The following CARMIL2 variants were observed in gnomAD, a reference collection of about 807,000 sequenced individuals.
CARMIL2 encodes capping protein, Arp2/3 and myosin-I linker protein 2.
CARMIL2 carries 96 observed loss-of-function variants against 173.3 expected under a neutral mutation model. That is an observed-to-expected ratio of 0.55 (90% confidence interval 0.47 to 0.66). The LOEUF is 0.66. CARMIL2 is among the 30% of genes least tolerant of loss of function. The pLI, the probability that CARMIL2 is intolerant of heterozygous loss-of-function variation, is 0.00. For missense variants in CARMIL2, 1,771 were observed against 1,906.7 expected (o/e 0.93, Z 1.33); for synonymous variants, 830 against 817.1 (o/e 1.02, Z -0.27).
At chr16:67,647,271 C>A in intron 9 of CARMIL2, 28 bp from the exon 10 acceptor site, 1 of 1,609,610 alleles carries the variant, frequency 6.2e-7, no homozygotes, top group Non-Finnish European at 8.5e-7. Flanking sequence ...AGGGTGCAGC[C>A]CGTGAGCCGC....
rs144548995 is a variant in CARMIL2, at chr16:67,652,055, G to A, written c.2676+47G>A. 1.4e-5 allele frequency: 22 copies of A among 1,607,500 alleles called. No homozygotes were observed. The African/African-American group carries it at 2.9e-4, about 21-fold the overall frequency. On this transcript the variant is annotated intron_variant, in intron 26 of 37. Transcript: ENST00000334583. This position sits in a 1 kb window ranked among gnomAD's most constrained non-coding sequence, Gnocchi z 4.7. ...ACTTTCGTGCAAACACACACATGCA[G>A]TGACTTGGCCATCTCCCTTGCAGGG...
chr16:67,652,983 TC>T lies in CARMIL2; in HGVS notation c.2885-35del. 8.7e-7 allele frequency: 1 copy of T among 1,148,578 alleles called. No individual in the cohort carries two copies. Among genetic ancestry groups the T allele is most frequent in the Non-Finnish European group, 1.1e-6 (1 of 886,916 alleles). The allele number at this position is 1,148,578 out of a possible 1,614,324, so 71.1% of individuals were successfully genotyped here. A position where few individuals can be genotyped will look rare whatever the true frequency, so the allele number is the denominator to read the frequency against. The stretch of plus-strand genomic sequence containing the variant: ...CGCCTCCGCCGCCACCTCCCCGGGC[TC>T]GGCGCTCGGTGCTCTTCTGGTGCTG... On this transcript the variant is annotated intron_variant, in intron 28 of 37. Transcript: ENST00000334583. The surrounding 1 kb of genome is among the most constrained non-coding windows in gnomAD (Gnocchi z 4.7).
intron 32 of CARMIL2, among the ~76,000 whole-genome samples, chr16:67,655,300 T>C (rs1292306860): frequency 6.6e-6 from 1 of 152,010 alleles, no homozygotes; most frequent in Non-Finnish European, 1.5e-5. Context: ...GGTGTGGCGG[T>C]GGGCACTTGT....
chr16:67,649,945 C>T lies in CARMIL2; in HGVS notation c.2059C>T (p.Leu687=). The T allele has an allele frequency of 6.2e-7, 1 of 1,613,354 alleles. No homozygotes were observed. The highest frequency in any genetic ancestry group is 8.5e-7 in the Non-Finnish European group (1 of 1,179,804). ...CCAGGCGCAGCGCAGCCGCCCGGAA[C>T]TGACAGCACGTGCAGTCCATCAGGT... ...VAQAQRSRPE[L]TARAVHQIQA... The change falls in exon 21 of 38, where the codon CTG becomes TTG. Residue 687 remains leucine (L), a synonymous_variant. Coordinates refer to ENST00000334583, the MANE Select transcript of CARMIL2 (RefSeq NM_001013838.3). This position sits in a 1 kb window ranked among gnomAD's most constrained non-coding sequence, Gnocchi z 6.7.
Position 67,652,036 on chromosome 16 carries a change from G to A in CARMIL2, c.2676+28G>A, listed in dbSNP as rs373349231. ...GAGGGGGAGATGTGCACACACTTTC[G>A]TGCAAACACACACATGCAGTGACTT... On this transcript the variant is annotated intron_variant, in intron 26 of 37. Transcript: ENST00000334583. This position sits in a 1 kb window ranked among gnomAD's most constrained non-coding sequence, Gnocchi z 4.7. 72 of 1,611,388 alleles carry A rather than the reference G, an allele frequency of 4.5e-5. No homozygotes were observed. The highest frequency in any genetic ancestry group is 3.1e-4 in the African/African-American group (23 of 75,008).
Position 67,651,718 on chromosome 16 carries a change from A to C in CARMIL2, c.2461A>C (p.Ser821Arg). The change falls in exon 25 of 38, where the codon AGC becomes CGC. Residue 821 changes from serine to arginine, a missense_variant. Around this residue, in one of 3 missense-constraint regions of CARMIL2, gnomAD observed 817 missense variants for 903.5 expected, o/e 0.90. Coordinates refer to ENST00000334583, the MANE Select transcript of CARMIL2 (RefSeq NM_001013838.3). The surrounding 1 kb of genome is among the most constrained non-coding windows in gnomAD (Gnocchi z 4.2). ...FTQATLDTAR[S>R]LCPQMLQGSS... Reference sequence around the variant, plus strand: ...TCAGGCCACACTGGACACAGCAAGGAGCCTCTGCCCACAGATGCTGCAGGG... The same window carrying C: ...TCAGGCCACACTGGACACAGCAAGGCGCCTCTGCCCACAGATGCTGCAGGG... 1.9e-6 allele frequency: 3 copies of C among 1,607,252 alleles called. No homozygotes were observed. The highest frequency in any genetic ancestry group is 2.5e-6 in the Non-Finnish European group (3 of 1,177,478).
In CARMIL2 at chr16:67,650,162, CT is replaced by C; in HGVS notation, c.2184+13del. 1 of 1,603,176 alleles carries C rather than the reference CT, an allele frequency of 6.2e-7. No homozygotes were observed. The stretch of plus-strand genomic sequence containing the variant: ...ACCCCTCAGAGCAGGTCAATGTCCC[CT>C]CCCCAACCACGAGAGGTAGGGCATG... On this transcript the variant is annotated intron_variant, in intron 22 of 37. Transcript: ENST00000334583.
rs1227180411 is a variant in CARMIL2, at chr16:67,653,092, G to C, written c.2958G>C (p.Pro986=). Residue 986 remains proline, a synonymous_variant, in exon 29 of 38, where the codon CCG becomes CCC. Coordinates refer to ENST00000334583, the MANE Select transcript of CARMIL2 (RefSeq NM_001013838.3). The surrounding 1 kb of genome is among the most constrained non-coding windows in gnomAD (Gnocchi z 7.4). ...AAGATGCAGAGCCGCAGGCGGGGCC[G>C]TCCGCGCGCGGCTCTCCGAGCCCTG... is the stretch of plus-strand genomic sequence containing the variant. ...PGEDAEPQAG[P]SARGSPSPAA... is the part of the protein sequence containing the mutation. 8.3e-7 allele frequency: 1 copy of C among 1,211,018 alleles called. No homozygotes were observed. The highest frequency in any genetic ancestry group is 1.0e-6 in the Non-Finnish European group (1 of 966,594). The allele number at this position is 1,211,018 out of a possible 1,614,324, so 75.0% of individuals were successfully genotyped here. A position where few individuals can be genotyped will look rare whatever the true frequency, so the allele number is the denominator to read the frequency against.
chr16:67,648,330 C>CG lies in CARMIL2; in HGVS notation c.1334+20dup, dbSNP rs1287823170. On this transcript the variant is annotated intron_variant, in intron 14 of 37. Transcript: ENST00000334583. The surrounding 1 kb of genome is among the most constrained non-coding windows in gnomAD (Gnocchi z 6.1). ...TCTCCCGCACGTAAGGGGGACCTGT[C>CG]GGGGCCGGGGGAGGCTGCTGGAAGC... The CG allele has an allele frequency of 3.2e-6, 5 of 1,576,996 alleles. No individual in the cohort carries two copies. The highest frequency in any genetic ancestry group is 3.4e-6 in the Non-Finnish European group (4 of 1,169,738).
At position 67,649,523 on chromosome 16, in the gene CARMIL2, A is replaced by G. The variant is rs764680251; in HGVS notation, c.1823A>G (p.Asn608Ser). The G allele has an allele frequency of 2.8e-5, 45 of 1,607,650 alleles. No homozygotes were observed. Among genetic ancestry groups the G allele is most frequent in the Non-Finnish European group, 3.6e-5 (43 of 1,179,864 alleles). Residue 608 changes from asparagine to serine, a missense_variant, in exon 20 of 38, where the codon AAT becomes AGT. Physicochemically the swap from Asn to Ser is conservative, Grantham distance 46 (BLOSUM62 1). Coordinates refer to ENST00000334583, the MANE Select transcript of CARMIL2 (RefSeq NM_001013838.3). This position sits in a 1 kb window ranked among gnomAD's most constrained non-coding sequence, Gnocchi z 6.7. ...ASVLLRALAT[N>S]PNLTALDISG... is the part of the protein sequence containing the mutation. The stretch of plus-strand genomic sequence containing the variant: ...GTCCTACTCCGGGCCCTAGCCACCA[A>G]TCCTAACCTGACCGCGCTGGATATC...
At position 67,645,284 on chromosome 16, in the gene CARMIL2, G is replaced by A. The variant is rs767739083; in HGVS notation, c.38G>A (p.Arg13Gln). 4 of 1,604,200 alleles carry A rather than the reference G, an allele frequency of 2.5e-6. No individual in the cohort carries two copies. Among genetic ancestry groups the A allele is most frequent in the Non-Finnish European group, 3.4e-6 (4 of 1,176,064 alleles). ...CCCGACGGCATCTCCTGTGAGCTCC[G>A]AGGTAAGCGCTGGCCCTTCCTGCCT... is the stretch of plus-strand genomic sequence containing the variant. ...QTPDGISCEL[R>Q]GEITRFLWPK... Residue 13 changes from arginine to glutamine, a missense_variant and splice_region_variant, in exon 1 of 38, where the codon CGA (arginine) becomes CAA (glutamine). By Grantham distance (43) the Arg-to-Gln change is conservative. Transcript: ENST00000334583.
Position 67,649,320 on chromosome 16 carries a change from A to C in CARMIL2, c.1746+9A>C. The stretch of plus-strand genomic sequence containing the variant: ...TGCAGGACGACGATTGTGTGAGTTC[A>C]CGGGACCTTGCAGGGCCTCGGGCAA... On this transcript the variant is annotated intron_variant, in intron 19 of 37. Transcript: ENST00000334583. This position sits in a 1 kb window ranked among gnomAD's most constrained non-coding sequence, Gnocchi z 6.7. 6.2e-7 allele frequency: 1 copy of C among 1,611,538 alleles called. No individual in the cohort carries two copies. Among genetic ancestry groups the C allele is most frequent in the Non-Finnish European group, 8.5e-7 (1 of 1,179,596 alleles).
chr16:67,651,473 C>T lies in CARMIL2; in HGVS notation c.2386C>T (p.Leu796Phe), dbSNP rs1201218716. ...GCAGCTTGGGCAGAAGCTGGAGGGC[C>T]TTCTGAGACAGGTGGGCGAGGTCTG... Reference protein sequence around the residue: ...HWQLGQKLEGLLRQVGEVCRQ... With the variant: ...HWQLGQKLEGFLRQVGEVCRQ... The change falls in exon 24 of 38, where the codon CTT becomes TTT. Residue 796 changes from leucine (L) to phenylalanine (F), a missense_variant. By Grantham distance (22) the Leu-to-Phe change is conservative. Coordinates refer to ENST00000334583, the MANE Select transcript of CARMIL2 (RefSeq NM_001013838.3). The surrounding 1 kb of genome is among the most constrained non-coding windows in gnomAD (Gnocchi z 4.2). The T allele has an allele frequency of 6.3e-7, 1 of 1,599,514 alleles. No homozygotes were observed. Among genetic ancestry groups the T allele is most frequent in the Admixed American group, 1.7e-5 (1 of 58,902 alleles).
rs767772836 is a variant in CARMIL2, at chr16:67,646,052, C to A, written c.221C>A (p.Ala74Asp). ...DCTFSYLEVQAMALQETPPQV... is the reference protein window; with the variant it reads ...DCTFSYLEVQDMALQETPPQV... Reference sequence around the variant, plus strand: ...ACGTTCAGCTACCTGGAGGTCCAGGCCATGGCGCTGCAGGAGACACCCCCT... The same window carrying A: ...ACGTTCAGCTACCTGGAGGTCCAGGACATGGCGCTGCAGGAGACACCCCCT... Residue 74 changes from alanine to aspartate, a missense_variant, in exon 4 of 38, where the codon GCC (alanine) becomes GAC (aspartate). Transcript: ENST00000334583. This position sits in a 1 kb window ranked among gnomAD's most constrained non-coding sequence, Gnocchi z 4.6. The A allele has an allele frequency of 6.2e-7, 1 of 1,613,800 alleles. No individual in the cohort carries two copies. Among genetic ancestry groups the A allele is most frequent in the Admixed American group, 1.7e-5 (1 of 60,030 alleles).
chr16:67,646,093 G>C lies in CARMIL2; in HGVS notation c.249+13G>C. On this transcript the variant is annotated intron_variant, in intron 4 of 37. Coordinates refer to ENST00000334583, the MANE Select transcript of CARMIL2 (RefSeq NM_001013838.3). This position sits in a 1 kb window ranked among gnomAD's most constrained non-coding sequence, Gnocchi z 4.6. Reference sequence around the variant, plus strand: ...GACACCCCCTCAGGTGAGACACCTAGTACCCTACCTGGGCCTGCAGCCTGG... The same window carrying C: ...GACACCCCCTCAGGTGAGACACCTACTACCCTACCTGGGCCTGCAGCCTGG... The C allele has an allele frequency of 6.2e-7, 1 of 1,613,820 alleles. No individual in the cohort carries two copies. Among genetic ancestry groups the C allele is most frequent in the Non-Finnish European group, 8.5e-7 (1 of 1,179,888 alleles).
rs1343698466 is a variant in CARMIL2, at chr16:67,654,854, T to C, written c.3659T>C (p.Ile1220Thr). ...EQRVQVMLQR[I>T]GVSRGSGGAE... ...CGGGTACAAGTAATGCTGCAGAGGA[T>C]AGGCGTCAGCCGAGGCAGCGGGGGT... is the stretch of plus-strand genomic sequence containing the variant. The change falls in exon 32 of 38, where the codon ATA becomes ACA. Residue 1220 changes from isoleucine (I) to threonine (T), a missense_variant. Physicochemically the swap from Ile to Thr is moderately conservative, Grantham distance 89. Coordinates refer to ENST00000334583, the MANE Select transcript of CARMIL2 (RefSeq NM_001013838.3). 8 of 1,613,550 alleles carry C rather than the reference T, an allele frequency of 5.0e-6. No homozygotes were observed. The highest frequency in any genetic ancestry group is 5.1e-6 in the Non-Finnish European group (6 of 1,179,888).
At position 67,657,196 on chromosome 16, in the gene CARMIL2, C is replaced by T; in HGVS notation, c.4118-43C>T. 1 of 1,578,254 alleles carries T rather than the reference C, an allele frequency of 6.3e-7. No individual in the cohort carries two copies. The highest frequency in any genetic ancestry group is 8.7e-7 in the Non-Finnish European group (1 of 1,152,140). On this transcript the variant is annotated intron_variant, in intron 36 of 37. Coordinates refer to ENST00000334583, the MANE Select transcript of CARMIL2 (RefSeq NM_001013838.3). The surrounding 1 kb of genome is among the most constrained non-coding windows in gnomAD (Gnocchi z 4.5). ...GAGAGGGGCAGGGGATGGACAGACCCCAAGCCTTAGCAACCCACCCCAAGC... is the reference window on the plus strand; with the variant it reads ...GAGAGGGGCAGGGGATGGACAGACCTCAAGCCTTAGCAACCCACCCCAAGC...
chr16:67,648,666 G>A lies in CARMIL2; in HGVS notation c.1440-19G>A, dbSNP rs199869071. On this transcript the variant is annotated intron_variant, in intron 15 of 37. Transcript: ENST00000334583. The surrounding 1 kb of genome is among the most constrained non-coding windows in gnomAD (Gnocchi z 6.1). The stretch of plus-strand genomic sequence containing the variant: ...CCCCTGTCCCAGCTCCCGCCACCCC[G>A]TGTAACGTCCTCTCCCAGAGCCCTT... The A allele has an allele frequency of 1.9e-5, 31 of 1,595,558 alleles. No homozygotes were observed. Among genetic ancestry groups the A allele is most frequent in the Non-Finnish European group, 2.6e-5 (30 of 1,171,568 alleles).
intron 3 of CARMIL2, 28 bp downstream of exon 3, chr16:67,645,805 C>T (rs371017577): frequency 3.3e-5 from 53 of 1,608,802 alleles, no homozygotes; most frequent in East Asian, 1.3e-4. Flanking sequence ...GCCACACCCC[C>T]GCCCGCCAGC....
Sources: allele counts gnomAD v4.1 joint callset (sites outside exome capture counted in the v4.1 genomes callset), GRCh38; gene constraint gnomAD v4.1.1; regional missense constraint gnomAD v4.1.1; non-coding constraint Gnocchi (gnomAD v3.1); transcripts MANE v1.5; gene names NCBI Gene and HGNC (gene_info 2026-07-23, HGNC 2026-07-21).